The following MDGA2 variants were observed in gnomAD, a reference collection of about 807,000 sequenced individuals.
The protein encoded by MDGA2 is MAM domain-containing glycosylphosphatidylinositol anchor protein 2.
In MDGA2, 40 loss-of-function variants were observed where a neutral mutation model predicts 117.8. The ratio of observed to expected loss-of-function variants is 0.34; its 90% CI spans 0.26 to 0.44. The LOEUF (loss-of-function observed/expected upper bound fraction) is 0.44. Ranked by LOEUF, MDGA2 falls within the 20% of genes least tolerant of loss-of-function variation. The pLI is 1.00. For missense variants in MDGA2, 1,123 were observed against 1,250.6 expected, an observed-to-expected ratio of 0.90 and a Z score of 1.54; for synonymous variants, 452 against 439.0, an observed-to-expected ratio of 1.03 and a Z score of -0.37.
intron 7 of MDGA2, 72 bp downstream of exon 7, chr14:47,061,177 C>T: frequency 7.3e-7 from 1 of 1,365,704 alleles, no homozygotes; most frequent in Non-Finnish European, 1.0e-6. Flanking sequence ...TTAACTAAAA[C>T]CTACTTGATC....
intron 8 of MDGA2, among the ~76,000 whole-genome samples, chr14:46,967,290 C>T (rs1403937751): frequency 6.6e-6 from 1 of 152,100 alleles, no homozygotes; most frequent in African/African-American, 2.4e-5. Flanking sequence ...GAAATATGTA[C>T]TCATTAGAGT....
chr14:47,063,590 T>G (rs12588492), intron 6 of MDGA2, among the ~76,000 whole-genome samples: 48,706 of 151,788 alleles, frequency 0.32, 8,552 homozygotes, highest in East Asian at 0.53. Context: ...ATATATTTTC[T>G]GTTAAAAACA....
chr14:47,305,756 G>T (rs1889422655), intron 1 of MDGA2, among the ~76,000 whole-genome samples: 1 of 152,144 alleles, frequency 6.6e-6, no homozygotes, highest in South Asian at 2.1e-4. Context: ...TACTGGGTTT[G>T]TCTAAATTAT....
At chr14:47,668,066 C>G (rs1251711236) in intron 1 of MDGA2, among the ~76,000 whole-genome samples, 1 of 152,122 alleles carries the variant, frequency 6.6e-6, no homozygotes, top group African/African-American at 2.4e-5. Flanking sequence ...TAGTTGAAAT[C>G]CTCTTCTGTA....
At chr14:47,238,579 C>T (rs1393239228) in intron 2 of MDGA2, among the ~76,000 whole-genome samples, 1 of 151,504 alleles carries the variant, frequency 6.6e-6, no homozygotes, top group African/African-American at 2.4e-5. Flanking sequence ...ATAATAAAAA[C>T]ATCAACATTA....
chr14:47,366,902 T>C (rs1268829667), intron 1 of MDGA2, among the ~76,000 whole-genome samples: 2 of 150,706 alleles, frequency 1.3e-5, no homozygotes, highest in Admixed American at 1.3e-4. Flanking sequence ...TTACTTTTAG[T>C]TTGACTTTGG....
At chr14:46,915,076 T>C (rs965928815) in intron 10 of MDGA2, among the ~76,000 whole-genome samples, 16 of 152,180 alleles carry the variant, frequency 1.1e-4, no homozygotes, top group African/African-American at 3.9e-4. Context: ...TTATGTTTAC[T>C]ATGTTCAAAA....
intron 1 of MDGA2, among the ~76,000 whole-genome samples, chr14:47,338,092 C>T (rs1890514444): frequency 1.3e-5 from 2 of 151,910 alleles, no homozygotes; most frequent in African/African-American, 4.8e-5. Flanking sequence ...TGTATGTTTA[C>T]TTTATTCTTT....
At chr14:47,116,524 T>C (rs904638838) in intron 5 of MDGA2, among the ~76,000 whole-genome samples, 5 of 151,992 alleles carry the variant, frequency 3.3e-5, no homozygotes, top group Non-Finnish European at 7.4e-5. Context: ...TGCAAAGCTA[T>C]AGTAATCAAA....
chr14:47,006,131 G>A (rs1209765767), intron 8 of MDGA2, among the ~76,000 whole-genome samples: 1 of 151,126 alleles, frequency 6.6e-6, no homozygotes, highest in African/African-American at 2.4e-5. Flanking sequence ...GTATGATTAG[G>A]AATTGTTTTC....
chr14:47,447,627 C>T (rs1466738537), intron 1 of MDGA2, among the ~76,000 whole-genome samples: 1 of 152,110 alleles, frequency 6.6e-6, no homozygotes, highest in Non-Finnish European at 1.5e-5. Context: ...AGATTTGGTG[C>T]CTCCGGACAG....
chr14:47,651,652 C>T (rs1754331937), intron 1 of MDGA2, among the ~76,000 whole-genome samples: 1 of 151,920 alleles, frequency 6.6e-6, no homozygotes, highest in South Asian at 2.1e-4. Context: ...GGAAGGGGTA[C>T]TCACAGGGCA....
chr14:47,250,611 C>T (rs1177157809), intron 2 of MDGA2, among the ~76,000 whole-genome samples: 1 of 152,106 alleles, frequency 6.6e-6, no homozygotes, highest in Non-Finnish European at 1.5e-5. Context: ...GGACAGTGGG[C>T]CCTCACCAGA....
rs17119001 is a variant in MDGA2 at position 47,642,143 on chromosome 14, A to C, written c.280+32374T>G. The stretch of plus-strand genomic sequence containing the variant: ...TGAACTACTTTATTTATGAATAAGG[A>C]ATGGACTCTGGAGACAGCTCTGCCA... On this transcript the variant is annotated intron_variant, in intron 1 of 16. Transcript: ENST00000399232. Among the ~76,000 whole-genome samples the C allele has an allele frequency of 0.016, 2,453 of 152,144 alleles. 158 individuals carry two copies. In the East Asian group the frequency reaches 0.22, roughly 14 times the overall value.
At chr14:47,128,743 G>A (rs2139136826) in intron 5 of MDGA2, among the ~76,000 whole-genome samples, 1 of 146,640 alleles carries the variant, frequency 6.8e-6, no homozygotes, top group Non-Finnish European at 1.5e-5. Context: ...CACCCAGGCT[G>A]GAGTGCAGTG....
intron 1 of MDGA2, among the ~76,000 whole-genome samples, chr14:47,357,728 G>T (rs1891027499): frequency 6.6e-6 from 1 of 152,142 alleles, no homozygotes. Context: ...TAAAGTGATA[G>T]CAAACTTTGT....
intron 8 of MDGA2, among the ~76,000 whole-genome samples, chr14:47,018,733 GAAAAAAAAAAAAAAA>G (rs60442845): frequency 1.3e-4 from 5 of 38,654 alleles, no homozygotes; most frequent in Admixed American, 6.8e-4. Flanking sequence ...CCATTTTACT[GAAAAAAAAAAAAAAA>G]AAAAAAAAAA....
Position 46,991,447 on chromosome 14 carries a change from A to C in MDGA2, c.1820-33804T>G, listed in dbSNP as rs139214574. ...AGCTGTCACTGGATAATTTGCCTTA[A>C]TAGTCTCTAGTATCATCTTTTTGTC... On this transcript the variant is annotated intron_variant, in intron 8 of 16. Transcript: ENST00000399232. Among the ~76,000 whole-genome samples the C allele has an allele frequency of 3.7e-3, 563 of 152,256 alleles. 3 individuals carry two copies. Among genetic ancestry groups the C allele is most frequent in the African/African-American group, 0.01 (430 of 41,566 alleles).
intron 4 of MDGA2, among the ~76,000 whole-genome samples, chr14:47,134,056 A>C (rs1482724043): frequency 2.6e-5 from 4 of 152,116 alleles, no homozygotes; most frequent in African/African-American, 9.7e-5. Flanking sequence ...ACATTGTAAA[A>C]TAATCATCAC....
Sources: allele counts gnomAD v4.1 joint callset (sites outside exome capture counted in the v4.1 genomes callset), GRCh38; gene constraint gnomAD v4.1.1; transcripts MANE v1.5; gene names NCBI Gene and HGNC (gene_info 2026-07-23, HGNC 2026-07-21).